The following GPHN variants were observed in gnomAD, a reference collection of about 807,000 sequenced individuals.
GPHN encodes gephyrin.
A neutral mutation model predicts 95.5 loss-of-function variants in GPHN; 17 were observed. That is an observed-to-expected ratio of 0.18 (90% CI 0.12 to 0.27). The LOEUF (loss-of-function observed/expected upper bound fraction) is 0.27. Ranked by LOEUF, GPHN falls within the 10% of genes least tolerant of loss-of-function variation. The pLI, the probability that GPHN is intolerant of heterozygous loss-of-function variation, is 1.00. For missense variants in GPHN, 660 were observed against 978.1 expected (o/e 0.67, Z 4.34); for synonymous variants, 320 against 322.5 (o/e 0.99, Z 0.08).
intron 3 of GPHN, among the ~76,000 whole-genome samples, chr14:66,780,080 G>A (rs1212383427): frequency 2.0e-5 from 3 of 152,158 alleles, no homozygotes; most frequent in African/African-American, 4.8e-5. Flanking sequence ...GATGTTTAGG[G>A]GAAATTGGAA....
chr14:66,797,544 T>C (rs2060202594), intron 3 of GPHN, among the ~76,000 whole-genome samples: 1 of 151,902 alleles, frequency 6.6e-6, no homozygotes. Context: ...TAAGATCTTT[T>C]GCTCTTTGGT....
At chr14:67,638,041 C>T in the GPHN span, among the ~76,000 whole-genome samples, 3 of 152,294 alleles carry the variant, frequency 2.0e-5, no homozygotes, top group East Asian at 5.8e-4. Flanking sequence ...AAGTCCTAGG[C>T]ATGAGAGCCA....
At chr14:67,402,524 C>G in the GPHN span, among the ~76,000 whole-genome samples, 20 of 152,218 alleles carry the variant, frequency 1.3e-4, no homozygotes, top group Non-Finnish European at 2.8e-4. Flanking sequence ...CTTTCTCATT[C>G]TTTCTAATTA....
intron 1 of GPHN, among the ~76,000 whole-genome samples, chr14:66,642,973 A>T (rs2064512486): frequency 6.6e-6 from 1 of 152,080 alleles, no homozygotes; most frequent in Non-Finnish European, 1.5e-5. Flanking sequence ...ACATTGGATC[A>T]CATTAAAAAT....
At chr14:66,781,034 C>G (rs1270755412) in intron 3 of GPHN, among the ~76,000 whole-genome samples, 1 of 152,116 alleles carries the variant, frequency 6.6e-6, no homozygotes, top group East Asian at 1.9e-4. Context: ...GAATCTTTCA[C>G]AGTTTTCTAG....
At chr14:66,797,460 A>G (rs190272449) in intron 3 of GPHN, among the ~76,000 whole-genome samples, 111 of 152,026 alleles carry the variant, frequency 7.3e-4, no homozygotes, top group African/African-American at 2.5e-3. Context: ...CTTCTAATCC[A>G]TGAACATGGA....
chr14:66,796,880 C>G (rs376795514), intron 3 of GPHN, among the ~76,000 whole-genome samples: 1 of 151,990 alleles, frequency 6.6e-6, no homozygotes, highest in Admixed American at 6.6e-5. Flanking sequence ...GAGTGTTACT[C>G]AAGAAATCTT....
intron 12 of GPHN, among the ~76,000 whole-genome samples, chr14:67,099,110 C>CT (rs1200580490): frequency 2.1e-3 from 287 of 138,942 alleles, no homozygotes; most frequent in Middle Eastern, 3.7e-3. Context: ...GTTGTAAAAA[C>CT]TTTTTTTTTT....
intron 12 of GPHN, among the ~76,000 whole-genome samples, chr14:67,095,083 C>T (rs532444960): frequency 3.9e-5 from 6 of 152,174 alleles, no homozygotes; most frequent in Non-Finnish European, 8.8e-5. Flanking sequence ...TGTTAAGTGA[C>T]TCATGACTGT....
chr14:66,769,609 A>T (rs1465858741), intron 2 of GPHN, among the ~76,000 whole-genome samples: 1 of 152,114 alleles, frequency 6.6e-6, no homozygotes, highest in East Asian at 1.9e-4. Context: ...AGTTCACTTA[A>T]GATAATGGCC....
At chr14:67,254,930 C>G in the GPHN span, among the ~76,000 whole-genome samples, 1 of 152,210 alleles carries the variant, frequency 6.6e-6, no homozygotes, top group Admixed American at 6.5e-5. Flanking sequence ...GCGGGCAGAT[C>G]ACGAGGTCAA....
At chr14:67,124,179 G>A (rs546561329) in intron 17 of GPHN, among the ~76,000 whole-genome samples, 220 of 152,310 alleles carry the variant, frequency 1.4e-3, no homozygotes, top group Non-Finnish European at 2.4e-3. Context: ...GCCAAGGCAG[G>A]TGGATCACCT....
At chr14:66,921,700 A>G (rs1021839834) in intron 6 of GPHN, among the ~76,000 whole-genome samples, 13 of 152,148 alleles carry the variant, frequency 8.5e-5, no homozygotes, top group Non-Finnish European at 1.8e-4. Context: ...CACAGAGTTA[A>G]GAAAAACAAT....
At chr14:66,808,657 C>G (rs530542280) in intron 3 of GPHN, among the ~76,000 whole-genome samples, 1 of 152,078 alleles carries the variant, frequency 6.6e-6, no homozygotes, top group Non-Finnish European at 1.5e-5. Context: ...ATTAGCCGTG[C>G]GTGGTGGCCT....
At chr14:66,893,517 A>G (rs946164598) in intron 5 of GPHN, among the ~76,000 whole-genome samples, 7 of 152,342 alleles carry the variant, frequency 4.6e-5, no homozygotes, top group African/African-American at 1.2e-4. Context: ...GGCCAGGGCA[A>G]TCAGGCAAGA....
intron 2 of GPHN, among the ~76,000 whole-genome samples, chr14:66,720,987 A>G (rs986232885): frequency 1.3e-5 from 2 of 152,246 alleles, no homozygotes; most frequent in Non-Finnish European, 1.5e-5. Flanking sequence ...TTTGAAGAAA[A>G]GGTTATTAAA....
chr14:67,592,353 T>G, the GPHN span: 1 of 447,660 alleles, frequency 2.2e-6, no homozygotes, highest in Non-Finnish European at 4.1e-6. Flanking sequence ...GGCAGGAGGA[T>G]TTCTTGAGCC....
chr14:67,646,958 A>G, the GPHN span: 5 of 1,611,832 alleles, frequency 3.1e-6, no homozygotes, highest in Non-Finnish European at 3.4e-6. Context: ...GTATTTTTCC[A>G]TGAGAGATAT....
At chr14:67,097,282 T>G (rs977033341) in intron 12 of GPHN, among the ~76,000 whole-genome samples, 3 of 152,178 alleles carry the variant, frequency 2.0e-5, no homozygotes, top group African/African-American at 7.2e-5. Flanking sequence ...TAAAAAATCT[T>G]TAATCAGAAG....
Sources: allele counts gnomAD v4.1 joint callset (sites outside exome capture counted in the v4.1 genomes callset), GRCh38; gene constraint gnomAD v4.1.1; transcripts MANE v1.5; gene names NCBI Gene and HGNC (gene_info 2026-07-23, HGNC 2026-07-21).